GSDMD: variants seen among roughly 807,000 people sequenced by gnomAD.
The protein encoded by GSDMD is gasdermin-D.
GSDMD carries 46 observed loss-of-function variants against 46.7 expected under a neutral mutation model. The observed-to-expected ratio is 0.99, with a 90% CI of 0.78 to 1.26. The LOEUF (loss-of-function observed/expected upper bound fraction) is 1.26. Among genes scored for constraint, GSDMD ranks in the 50% most tolerant of loss-of-function variants. GSDMD has a pLI of 0.00. For missense variants in GSDMD, 649 were observed against 638.8 expected, an observed-to-expected ratio of 1.02 and a Z score of -0.17; for synonymous variants, 307 against 283.1, an observed-to-expected ratio of 1.08 and a Z score of -0.85.
chr8:143,554,499 C>T (rs148377795), upstream of GSDMD, among the ~76,000 whole-genome samples: 54 of 151,206 alleles, frequency 3.6e-4, no homozygotes, highest in African/African-American at 1.1e-3. Context: ...CATACACATA[C>T]GCACAATACG....
upstream of GSDMD, among the ~76,000 whole-genome samples, chr8:143,554,199 C>T (rs1239294337): frequency 6.6e-6 from 1 of 152,232 alleles, no homozygotes; most frequent in Non-Finnish European, 1.5e-5. Context: ...GGCTGCGCAC[C>T]GTGACCTGCA....
chr8:143,559,296 C>CCCCG, intron 1 of GSDMD, 36 bp from the exon 2 acceptor site: 1 of 1,052,406 alleles, frequency 9.5e-7, no homozygotes, highest in Non-Finnish European at 1.4e-6. Flanking sequence ...CCGCCCGCCC[C>CCCCG]GAGAGCACAA....
In GSDMD at chr8:143,561,072, G is replaced by A. The variant is rs374934449; in HGVS notation, c.650G>A (p.Arg217Gln). The A allele has an allele frequency of 3.5e-5, 56 of 1,613,208 alleles. No individual in the cohort carries two copies. The highest frequency in any genetic ancestry group is 1.7e-4 in the Middle Eastern group (1 of 6,056). Reference sequence around the variant, plus strand: ...CCCTCAGGCAGCACCCTCGCATTCCGGGTGGCCCAGCTGGTTATTGACTCT... The same window carrying A: ...CCCTCAGGCAGCACCCTCGCATTCCAGGTGGCCCAGCTGGTTATTGACTCT... The part of the protein sequence containing the change: ...TIPSGSTLAF[R>Q]VAQLVIDSDL... Residue 217 changes from arginine (R) to glutamine (Q), a missense_variant, in exon 5 of 11, where the codon CGG becomes CAG. Coordinates refer to ENST00000262580, the MANE Select transcript of GSDMD (RefSeq NM_024736.7).
In GSDMD at chr8:143,560,779, G is replaced by A. The variant is rs1179915001; in HGVS notation, c.579+8G>A. ...GGAGCCACGTGCTTGCAGGTGTGTA[G>A]CCAGCCCCGGGCCACGCCTGGCCCC... On this transcript the variant is annotated splice_region_variant and intron_variant, in intron 4 of 10. Transcript: ENST00000262580. The A allele has an allele frequency of 3.3e-6, 5 of 1,529,456 alleles. No individual in the cohort carries two copies. Among genetic ancestry groups the A allele is most frequent in the Non-Finnish European group, 4.4e-6 (5 of 1,136,906 alleles). The allele number at this position is 1,529,456 out of a possible 1,614,324, so 94.7% of individuals were successfully genotyped here. A position where few individuals can be genotyped will look rare whatever the true frequency, so the allele number is the denominator to read the frequency against.
chr8:143,560,152 G>A (rs1204946183), intron 3 of GSDMD, 183 bp downstream of exon 3: 1 of 720,050 alleles, frequency 1.4e-6, no homozygotes, highest in South Asian at 1.5e-5. Context: ...GGGATTACAG[G>A]GGTGAGCCAC....
At chr8:143,559,187 G>C in intron 1 of GSDMD, 145 bp from the exon 2 acceptor site, 1 of 618,274 alleles carries the variant, frequency 1.6e-6, no homozygotes, top group East Asian at 2.7e-5. Context: ...CTTTCTGCTA[G>C]TGGGAGCATC....
At chr8:143,558,584 G>T in intron 1 of GSDMD, 133 bp downstream of exon 1, 2 of 921,932 alleles carry the variant, frequency 2.2e-6, no homozygotes, top group East Asian at 3.2e-5. Context: ...GCACACGGGG[G>T]CGGAAGCTCC....
At position 143,558,346 on chromosome 8, in the gene GSDMD, G is replaced by T. The variant is rs1442019205; in HGVS notation, c.-110G>T. The T allele has an allele frequency of 4.1e-5, 63 of 1,524,386 alleles. No homozygotes were observed. Among genetic ancestry groups the T allele is most frequent in the Non-Finnish European group, 5.3e-5 (61 of 1,142,104 alleles). The allele number at this position is 1,524,386 out of a possible 1,614,324, so 94.4% of individuals were successfully genotyped here. A position where few individuals can be genotyped will look rare whatever the true frequency, so the allele number is the denominator to read the frequency against. The stretch of plus-strand genomic sequence containing the variant: ...TCCTGGGCGGGCCCTGCGTCAGGTT[G>T]CAGTTTCACTTTTAGCTCTGGGCAC... On this transcript the variant is annotated 5_prime_UTR_variant, in exon 1 of 11. Coordinates refer to ENST00000262580, the MANE Select transcript of GSDMD (RefSeq NM_024736.7).
At chr8:143,557,325 C>A (rs569982092), upstream of GSDMD, among the ~76,000 whole-genome samples, 43 of 38,086 alleles carry the variant, frequency 1.1e-3, no homozygotes, top group African/African-American at 3.7e-3. Context: ...GCGAAGGATG[C>A]TGCCGCTATG....
At chr8:143,558,126 T>G (rs766944511), upstream of GSDMD, 99 of 544,170 alleles carry the variant, frequency 1.8e-4, no homozygotes, top group Non-Finnish European at 2.9e-4. Flanking sequence ...ACTCCCGACC[T>G]CAGGTGATCC....
At position 143,558,368 on chromosome 8, in the gene GSDMD, G is replaced by T. The variant is rs776500921; in HGVS notation, c.-88G>T. The T allele has an allele frequency of 1.4e-4, 210 of 1,523,074 alleles. No individual in the cohort carries two copies. In the Middle Eastern group the frequency reaches 1.7e-3, roughly 12 times the overall value. 94.3% of individuals were successfully genotyped at this position (1,523,074 alleles called of 1,614,324 possible). Reference sequence around the variant, plus strand: ...GTTGCAGTTTCACTTTTAGCTCTGGGCACCTCCAGCTCCTGCTCGCCGGAC... The same window carrying T: ...GTTGCAGTTTCACTTTTAGCTCTGGTCACCTCCAGCTCCTGCTCGCCGGAC... On this transcript the variant is annotated 5_prime_UTR_variant, in exon 1 of 11. Transcript: ENST00000262580.
At chr8:143,561,640 G>A in intron 6 of GSDMD, 102 bp from the exon 7 acceptor site, 1 of 1,055,898 alleles carries the variant, frequency 9.5e-7, no homozygotes, top group Non-Finnish European at 1.4e-6. Context: ...TGTTGGCAGT[G>A]GTGAGCGGGG....
chr8:143,554,833 G>A (rs1823273979), upstream of GSDMD, among the ~76,000 whole-genome samples: 2 of 152,230 alleles, frequency 1.3e-5, no homozygotes, highest in African/African-American at 4.8e-5. Flanking sequence ...GGCTCCTGGA[G>A]CCTCCTGCTA....
Position 143,558,378 on chromosome 8 carries a change from C to G in GSDMD, c.-78C>G, listed in dbSNP as rs1823359916. ...CACTTTTAGCTCTGGGCACCTCCAG[C>G]TCCTGCTCGCCGGACGGCTCCCAGG... On this transcript the variant is annotated 5_prime_UTR_variant, in exon 1 of 11. Coordinates refer to ENST00000262580, the MANE Select transcript of GSDMD (RefSeq NM_024736.7). 8 of 1,519,648 alleles carry G rather than the reference C, an allele frequency of 5.3e-6. No homozygotes were observed. In the South Asian group the frequency reaches 8.4e-5, roughly 16 times the overall value. 94.1% of individuals were successfully genotyped at this position (1,519,648 alleles called of 1,614,324 possible).
rs573558883 is a variant in GSDMD, at chr8:143,562,762, C to T, written c.1313C>T (p.Ala438Val). ...AACAGCTGGGGCGAAGGAGCACCGG[C>T]CTGGGTCTTGCTGGACGAGTGTGGC... is the stretch of plus-strand genomic sequence containing the variant. ...LGNSWGEGAP[A>V]WVLLDECGLE... is the part of the protein sequence containing the mutation. Residue 438 changes from alanine to valine, a missense_variant, in exon 11 of 11, where the codon GCC (alanine) becomes GTC (valine). Physicochemically the swap from Ala to Val is moderately conservative, Grantham distance 64. Coordinates refer to ENST00000262580, the MANE Select transcript of GSDMD (RefSeq NM_024736.7). 2 of 1,588,832 alleles carry T rather than the reference C, an allele frequency of 1.3e-6. No individual in the cohort carries two copies. Among genetic ancestry groups the T allele is most frequent in the African/African-American group, 2.7e-5 (2 of 74,358 alleles).
intron 1 of GSDMD, chr8:143,558,903 G>A (rs1297853027): frequency 1.1e-5 from 5 of 448,194 alleles, no homozygotes; most frequent in Non-Finnish European, 2.2e-5. Context: ...GGCCCTGGAG[G>A]ACGCAGCTGG....
intron 1 of GSDMD, chr8:143,558,741 A>G: frequency 1.7e-6 from 1 of 594,796 alleles, no homozygotes; most frequent in Non-Finnish European, 3.0e-6. Flanking sequence ...CTCCACTTTC[A>G]GCAGACCCAG....
At chr8:143,556,323 T>C (rs1823295880), upstream of GSDMD, among the ~76,000 whole-genome samples, 1 of 152,154 alleles carries the variant, frequency 6.6e-6, no homozygotes, top group Non-Finnish European at 1.5e-5. Flanking sequence ...GAGGTTGCAA[T>C]GAGCTGAGAT....
upstream of GSDMD, among the ~76,000 whole-genome samples, chr8:143,556,337 G>A (rs920967060): frequency 6.6e-6 from 1 of 152,086 alleles, no homozygotes; most frequent in Admixed American, 6.6e-5. Flanking sequence ...CTGAGATCAC[G>A]CCACTGCACT....
Sources: gnomAD v4.1 joint callset for allele counts (sites outside exome capture counted in the v4.1 genomes callset) on GRCh38, gnomAD v4.1.1 for gene constraint, MANE v1.5 for transcripts, NCBI Gene and HGNC (gene_info 2026-07-23, HGNC 2026-07-21) for gene names.